Variants in ARK2C observed in about 807,000 individuals in gnomAD.
The protein encoded by ARK2C is E3 ubiquitin-protein ligase ARK2C.
the ARK2C span, among the ~76,000 whole-genome samples, chr18:46,344,859 GAGC>G: frequency 6.6e-6 from 1 of 152,368 alleles, no homozygotes; most frequent in South Asian, 2.1e-4. Context: ...AGCTGGGCCA[GAGC>G]CTTGGCTTGG....
At chr18:46,387,506 T>C in the ARK2C span, among the ~76,000 whole-genome samples, 1 of 152,338 alleles carries the variant, frequency 6.6e-6, no homozygotes, top group East Asian at 1.9e-4. Context: ...TGTCCCAACT[T>C]TAGTGCCAAA....
the ARK2C span, among the ~76,000 whole-genome samples, chr18:46,437,160 T>C: frequency 2.0e-5 from 3 of 152,104 alleles, 1 homozygote; most frequent in Admixed American, 2.0e-4. Flanking sequence ...CAGGGGATGC[T>C]AGGAGGCCCT....
chr18:46,375,643 C>T, the ARK2C span, among the ~76,000 whole-genome samples: 576 of 151,908 alleles, frequency 3.8e-3, 5 homozygotes, highest in African/African-American at 0.014. Flanking sequence ...TGAATTGCGC[C>T]GTTATATGAG....
At chr18:46,461,837 A>T in the ARK2C span, 1 of 152,204 alleles carries the variant, frequency 6.6e-6, no homozygotes. Flanking sequence ...TTAGGTGGAC[A>T]CGTATAGGAC....
the ARK2C span, among the ~76,000 whole-genome samples, chr18:46,391,364 T>G: frequency 1.3e-5 from 2 of 152,120 alleles, no homozygotes; most frequent in Non-Finnish European, 2.9e-5. Context: ...TACAGCTCTT[T>G]CAGGTTGTCC....
the ARK2C span, among the ~76,000 whole-genome samples, chr18:46,445,160 G>A: frequency 7.2e-5 from 11 of 152,122 alleles, no homozygotes; most frequent in African/African-American, 2.2e-4. Context: ...AAGTAGTTAC[G>A]TTTGTTTTAT....
At chr18:46,429,083 G>A in the ARK2C span, among the ~76,000 whole-genome samples, 2 of 152,216 alleles carry the variant, frequency 1.3e-5, no homozygotes, top group East Asian at 1.9e-4. Context: ...GTCCGGTGCC[G>A]CTTGCTCATG....
At chr18:46,456,143 C>A in the ARK2C span, 1 of 986,232 alleles carries the variant, frequency 1.0e-6, no homozygotes, top group South Asian at 1.4e-5. Flanking sequence ...CCAATCACTG[C>A]ACCGTGTGTC....
chr18:46,383,614 G>A, the ARK2C span, among the ~76,000 whole-genome samples: 5,169 of 146,390 alleles, frequency 0.035, 123 homozygotes, highest in Non-Finnish European at 0.056. Flanking sequence ...GAGTACAGTG[G>A]TGCGATCTCA....
the ARK2C span, among the ~76,000 whole-genome samples, chr18:46,421,722 G>T: frequency 2.6e-5 from 4 of 152,068 alleles, no homozygotes; most frequent in African/African-American, 9.7e-5. Flanking sequence ...GCTAAATACT[G>T]GCCCTTTGCT....
At chr18:46,397,607 T>G in the ARK2C span, among the ~76,000 whole-genome samples, 1 of 126,290 alleles carries the variant, frequency 7.9e-6, no homozygotes. Flanking sequence ...TGTGTGTGTG[T>G]GTGTGGTCAT....
At chr18:46,384,874 T>C in the ARK2C span, among the ~76,000 whole-genome samples, 1 of 152,052 alleles carries the variant, frequency 6.6e-6, no homozygotes, top group East Asian at 1.9e-4. Flanking sequence ...TAAAACAAAA[T>C]TAAATATAAA....
chr18:46,412,947 C>T, the ARK2C span, among the ~76,000 whole-genome samples: 2 of 152,044 alleles, frequency 1.3e-5, no homozygotes, highest in African/African-American at 2.4e-5. Flanking sequence ...CCCCAGAATT[C>T]CTGAGGCCTT....
At chr18:46,420,837 C>A in the ARK2C span, among the ~76,000 whole-genome samples, 1 of 151,468 alleles carries the variant, frequency 6.6e-6, no homozygotes, top group Non-Finnish European at 1.5e-5. Flanking sequence ...AAGAGCAGGA[C>A]TCCATCTTAA....
the ARK2C span, chr18:46,433,596 G>A: frequency 8.5e-7 from 1 of 1,181,824 alleles, no homozygotes; most frequent in Non-Finnish European, 1.2e-6. Flanking sequence ...ACGAGGGCGT[G>A]GCCCGGGTGT....
chr18:46,348,232 G>C, the ARK2C span, among the ~76,000 whole-genome samples: 9 of 151,682 alleles, frequency 5.9e-5, no homozygotes, highest in African/African-American at 1.2e-4. Flanking sequence ...AAGGGGCTGG[G>C]GGGGGTGAGG....
the ARK2C span, chr18:46,334,393 GC>G: frequency 8.0e-6 from 12 of 1,500,928 alleles, no homozygotes; most frequent in Non-Finnish European, 9.0e-6. This position sits in a 1 kb window ranked among gnomAD's most constrained non-coding sequence, Gnocchi z 4.4. Flanking sequence ...AGGCACCGGG[GC>G]GGGGGCGGGC....
chr18:46,399,573 C>T, the ARK2C span, among the ~76,000 whole-genome samples: 3 of 152,122 alleles, frequency 2.0e-5, no homozygotes, highest in Admixed American at 1.3e-4. Flanking sequence ...GATGGGAAAA[C>T]GGTGAGGCAA....
the ARK2C span, among the ~76,000 whole-genome samples, chr18:46,394,018 C>A: frequency 6.6e-6 from 1 of 152,226 alleles, no homozygotes; most frequent in Admixed American, 6.5e-5. Context: ...AGGTGCAGCT[C>A]GCCTTAGGTA....
Sources: allele counts gnomAD v4.1 joint callset (sites outside exome capture counted in the v4.1 genomes callset), GRCh38; gene constraint gnomAD v4.1.1; non-coding constraint Gnocchi (gnomAD v3.1); transcripts MANE v1.5; gene names NCBI Gene and HGNC (gene_info 2026-07-23, HGNC 2026-07-21).